Variants in EPB41L3 observed in about 807,000 individuals in gnomAD.
EPB41L3 encodes band 4.1-like protein 3.
A neutral mutation model predicts 127.1 loss-of-function variants in EPB41L3; 57 were observed. The observed-to-expected ratio is 0.45, with a 90% CI of 0.36 to 0.56. The LOEUF is 0.56. Among genes scored for constraint, EPB41L3 ranks in the 20% least tolerant of loss-of-function variants. EPB41L3 has a pLI of 0.00. For synonymous variants in EPB41L3, 572 were observed against 549.5 expected, an observed-to-expected ratio of 1.04 and a Z score of -0.57; for missense variants, 1,273 against 1,372.2, an observed-to-expected ratio of 0.93 and a Z score of 1.14.
Position 5,397,460 on chromosome 18 carries a change from C to A in EPB41L3, c.2473-34G>T, listed in dbSNP as rs181631569. 3 of 1,562,330 alleles carry A rather than the reference C, an allele frequency of 1.9e-6. No individual in the cohort carries two copies. Among genetic ancestry groups the A allele is most frequent in the African/African-American group, 1.4e-5 (1 of 73,352 alleles). On this transcript the variant is annotated intron_variant, in intron 17 of 22. Transcript: ENST00000341928. The surrounding 1 kb of genome is among the most constrained non-coding windows in gnomAD (Gnocchi z 4.1). ...GAAGAGATTGTGGCATCAGTGTGACCATCCATAAACCAAAGGTCAGAAAAT... is the reference window on the plus strand; with the variant it reads ...GAAGAGATTGTGGCATCAGTGTGACAATCCATAAACCAAAGGTCAGAAAAT...
At chr18:5,451,403 T>C (rs1049637224) in intron 3 of EPB41L3, among the ~76,000 whole-genome samples, 6 of 152,232 alleles carry the variant, frequency 3.9e-5, no homozygotes, top group Admixed American at 2.6e-4. Flanking sequence ...CCTCTCATCC[T>C]TCAAGGGGTT....
intron 11 of EPB41L3, 33 bp from the exon 12 acceptor site, chr18:5,419,910 T>C (rs1476609699): frequency 3.7e-6 from 6 of 1,613,946 alleles, no homozygotes; most frequent in Middle Eastern, 1.6e-4. Flanking sequence ...CATGTATATT[T>C]CATGGTTTTC....
At chr18:5,501,622 C>T (rs2091756660) in intron 1 of EPB41L3, among the ~76,000 whole-genome samples, 3 of 151,870 alleles carry the variant, frequency 2.0e-5, no homozygotes, top group Admixed American at 2.0e-4. Flanking sequence ...AATTAATTAA[C>T]TAAGTGTTCA....
chr18:5,402,689 T>C (rs1264705549), intron 16 of EPB41L3, among the ~76,000 whole-genome samples: 1 of 152,184 alleles, frequency 6.6e-6, no homozygotes, highest in African/African-American at 2.4e-5. Flanking sequence ...GATCTAAAAA[T>C]TCACTTTTAT....
intron 3 of EPB41L3, among the ~76,000 whole-genome samples, chr18:5,611,288 C>T (rs1055759257): frequency 1.2e-4 from 18 of 152,272 alleles, no homozygotes; most frequent in African/African-American, 3.6e-4. Context: ...GTGGTATGTA[C>T]GTACAATGGA....
chr18:5,496,498 G>A (rs988936855), intron 1 of EPB41L3, among the ~76,000 whole-genome samples: 2 of 152,210 alleles, frequency 1.3e-5, no homozygotes, highest in East Asian at 3.9e-4. Flanking sequence ...TCCCCTGGGG[G>A]CAAAACTACT....
rs1269812783 is a variant in EPB41L3, at chr18:5,478,431, T to C, written c.191A>G (p.Asp64Gly). Residue 64 changes from aspartate to glycine, a missense_variant, in exon 3 of 23, where the codon GAC (aspartate) becomes GGC (glycine). By Grantham distance (94) the Asp-to-Gly change is moderately conservative. Around this residue, in one of 3 missense-constraint regions of EPB41L3, gnomAD observed 182 missense variants for 149.2 expected, o/e 1.22. Coordinates refer to ENST00000341928, the MANE Select transcript of EPB41L3 (RefSeq NM_012307.5). ...HSTPVRREVT[D>G]KEQEFAARAA... is the part of the protein sequence containing the mutation. Reference sequence around the variant, plus strand: ...CCTGGCAGCAAACTCCTGTTCCTTGTCAGTGACCTGTGAAGAGCAAACAAT... The same window carrying C: ...CCTGGCAGCAAACTCCTGTTCCTTGCCAGTGACCTGTGAAGAGCAAACAAT... 14 of 1,614,034 alleles carry C rather than the reference T, an allele frequency of 8.7e-6. No individual in the cohort carries two copies. Among genetic ancestry groups the C allele is most frequent in the Non-Finnish European group, 1.2e-5 (14 of 1,180,012 alleles).
At chr18:5,438,342 C>G (rs2080175780) in intron 5 of EPB41L3, among the ~76,000 whole-genome samples, 1 of 152,162 alleles carries the variant, frequency 6.6e-6, no homozygotes, top group Admixed American at 6.5e-5. Context: ...AGTATGGAAA[C>G]TGATCAAACT....
intron 3 of EPB41L3, among the ~76,000 whole-genome samples, chr18:5,554,593 C>G (rs974707799): frequency 6.6e-6 from 1 of 152,174 alleles, no homozygotes; most frequent in Non-Finnish European, 1.5e-5. Context: ...AAGGAAAACC[C>G]CATTCCTTAC....
intron 3 of EPB41L3, chr18:5,463,927 A>C (rs888024095): frequency 6.6e-6 from 1 of 152,184 alleles, no homozygotes; most frequent in Non-Finnish European, 1.5e-5. Flanking sequence ...CCACAAGAGA[A>C]AACCAATATA....
At chr18:5,495,775 T>C (rs528936594) in intron 1 of EPB41L3, among the ~76,000 whole-genome samples, 26 of 152,224 alleles carry the variant, frequency 1.7e-4, no homozygotes, top group Non-Finnish European at 3.2e-4. Context: ...AACTCTGCCA[T>C]ATGCTCTGTG....
rs537583630 is a variant in EPB41L3, at chr18:5,620,781, AC to A, written c.-467-6359del. Among the ~76,000 whole-genome samples, 6 of 152,264 alleles carry A rather than the reference AC, an allele frequency of 3.9e-5. No homozygotes were observed. The South Asian group carries it at 1.2e-3, about 32-fold the overall frequency. ...AAAGTAAGGAGTCTTTTGGGAAAGA[AC>A]CCAGGTAAAGAGAAAAGGAAATCAA... On this transcript the variant is annotated intron_variant, in intron 1 of 21. Transcript: ENST00000545076.
intron 1 of EPB41L3, among the ~76,000 whole-genome samples, chr18:5,622,240 A>G (rs2094871120): frequency 6.6e-6 from 1 of 152,238 alleles, no homozygotes; most frequent in African/African-American, 2.4e-5. Flanking sequence ...ACTGAATTAA[A>G]TGTTAACAAG....
intron 1 of EPB41L3, among the ~76,000 whole-genome samples, chr18:5,620,865 C>A (rs1433180182): frequency 6.6e-6 from 1 of 152,084 alleles, no homozygotes; most frequent in African/African-American, 2.4e-5. Flanking sequence ...CTTTCCCCAC[C>A]CATAGTCAGA....
chr18:5,621,596 C>T (rs575173075), intron 1 of EPB41L3, among the ~76,000 whole-genome samples: 13 of 152,150 alleles, frequency 8.5e-5, no homozygotes, highest in Admixed American at 2.6e-4. Flanking sequence ...AAAAAAATAG[C>T]GAGATATGGT....
rs747316632 is a variant in EPB41L3, at chr18:5,396,340, A to G, written c.2842-8T>C. 2.5e-6 allele frequency: 4 copies of G among 1,614,110 alleles called. No individual in the cohort carries two copies. Among genetic ancestry groups the G allele is most frequent in the Non-Finnish European group, 3.4e-6 (4 of 1,179,994 alleles). Reference sequence around the variant, plus strand: ...CGTCTTCACCGTTGAGGACTGTGCCAAAGGGGAGTAAGCAGAGTGGCTGTT... The same window carrying G: ...CGTCTTCACCGTTGAGGACTGTGCCGAAGGGGAGTAAGCAGAGTGGCTGTT... On this transcript the variant is annotated splice_polypyrimidine_tract_variant and splice_region_variant and intron_variant, in intron 18 of 22. Transcript: ENST00000341928.
At chr18:5,510,924 G>C (rs563150596) in intron 1 of EPB41L3, among the ~76,000 whole-genome samples, 1 of 151,972 alleles carries the variant, frequency 6.6e-6, no homozygotes, top group East Asian at 1.9e-4. Flanking sequence ...GAATAAAGGA[G>C]GAATAAAAAT....
chr18:5,627,579 G>A (rs565893760), intron 1 of EPB41L3, among the ~76,000 whole-genome samples: 3 of 152,096 alleles, frequency 2.0e-5, no homozygotes, highest in Non-Finnish European at 4.4e-5. Context: ...TAAACTCTTT[G>A]GGATATATAG....
chr18:5,408,782 A>G (rs893561509), intron 14 of EPB41L3, among the ~76,000 whole-genome samples: 1 of 152,268 alleles, frequency 6.6e-6, no homozygotes, highest in African/African-American at 2.4e-5. Flanking sequence ...TGATTTTTCT[A>G]ATTTCAAGGA....
Sources: gnomAD v4.1 joint callset for allele counts (sites outside exome capture counted in the v4.1 genomes callset) on GRCh38, gnomAD v4.1.1 for gene constraint, gnomAD v4.1.1 regional missense constraint, Gnocchi (gnomAD v3.1) non-coding constraint, MANE v1.5 for transcripts, NCBI Gene and HGNC (gene_info 2026-07-23, HGNC 2026-07-21) for gene names.